Variants in KCNQ5 observed in about 807,000 individuals in gnomAD.
KCNQ5 encodes potassium voltage-gated channel subfamily Q member 5, also known as potassium voltage-gated channel subfamily KQT member 5.
KCNQ5 carries 30 observed loss-of-function variants against 98.2 expected under a neutral mutation model. The observed-to-expected ratio is 0.31, with a 90% CI of 0.23 to 0.41. The LOEUF is 0.41. KCNQ5 is among the 10% of genes least tolerant of loss of function. KCNQ5 has a pLI of 1.00. For synonymous variants in KCNQ5, 458 were observed against 449.4 expected (o/e 1.02, Z -0.24); for missense variants, 835 against 1,182.5 (o/e 0.71, Z 4.31).
chr6:72,970,230 G>C (rs2150282606), intron 1 of KCNQ5, among the ~76,000 whole-genome samples: 1 of 152,266 alleles, frequency 6.6e-6, no homozygotes, highest in Non-Finnish European at 1.5e-5. Context: ...CTGCACTCTA[G>C]CTTGGATGAC....
At position 73,089,860 on chromosome 6, in the gene KCNQ5, C is replaced by T. The variant is rs550810708; in HGVS notation, c.918+11973C>T. On this transcript the variant is annotated intron_variant, in intron 5 of 13. Coordinates refer to ENST00000370398, the MANE Select transcript of KCNQ5 (RefSeq NM_019842.4). ...TCCACATTTTTGCAATTGTGAATTGCGCTGCTATAAACATGCATGTGCAAG... is the reference window on the plus strand; with the variant it reads ...TCCACATTTTTGCAATTGTGAATTGTGCTGCTATAAACATGCATGTGCAAG... 3.0e-4 allele frequency among the ~76,000 whole-genome samples: 45 copies of T among 152,154 alleles called. 1 individual carries two copies. In the South Asian group the frequency reaches 8.1e-3, roughly 27 times the overall value.
At chr6:73,163,903 G>A (rs996025621) in intron 10 of KCNQ5, among the ~76,000 whole-genome samples, 1 of 151,854 alleles carries the variant, frequency 6.6e-6, no homozygotes, top group East Asian at 1.9e-4. Flanking sequence ...TCTAATTTTC[G>A]CTATGCAATC....
chr6:73,084,603 T>C (rs1300344300), intron 5 of KCNQ5, among the ~76,000 whole-genome samples: 1 of 152,228 alleles, frequency 6.6e-6, no homozygotes, highest in Non-Finnish European at 1.5e-5. Context: ...CTTGAAGATC[T>C]GTGAGAAATG....
chr6:73,160,168 G>T (rs907099888), intron 10 of KCNQ5, among the ~76,000 whole-genome samples: 6 of 150,286 alleles, frequency 4.0e-5, no homozygotes, highest in East Asian at 1.9e-4. Context: ...CACCCACCAC[G>T]ACGCCCGGCT....
intron 1 of KCNQ5, among the ~76,000 whole-genome samples, chr6:72,680,714 A>G (rs143518396): frequency 1.1e-3 from 167 of 152,326 alleles, no homozygotes; most frequent in Non-Finnish European, 2.0e-3. Flanking sequence ...TTCATTGTCT[A>G]GAACTCCCCC....
intron 1 of KCNQ5, among the ~76,000 whole-genome samples, chr6:72,947,287 CA>C (rs1254730037): frequency 2.0e-5 from 3 of 152,100 alleles, no homozygotes; most frequent in Non-Finnish European, 4.4e-5. Context: ...TGAGGTCAGG[CA>C]GTTTTTAATT....
intron 1 of KCNQ5, among the ~76,000 whole-genome samples, chr6:72,696,943 A>C (rs757642127): frequency 1.3e-5 from 2 of 152,234 alleles, no homozygotes; most frequent in Non-Finnish European, 2.9e-5. Context: ...AAACTCTATC[A>C]AAGATGAAGA....
intron 5 of KCNQ5, among the ~76,000 whole-genome samples, chr6:73,088,607 C>T (rs1774092493): frequency 6.6e-6 from 1 of 152,102 alleles, no homozygotes; most frequent in African/African-American, 2.4e-5. Context: ...ATTCTAAAAC[C>T]CAAATCTCAC....
In KCNQ5 at chr6:73,066,739, T is replaced by C. The variant is rs570435022; in HGVS notation, c.617-10583T>C. Among the ~76,000 whole-genome samples the C allele has an allele frequency of 2.6e-5, 4 of 152,342 alleles. No homozygotes were observed. The South Asian group carries it at 8.3e-4, about 32-fold the overall frequency. ...GATAAGTGGTGACAAAGCTAGTTAA[T>C]GGCGAACAGATAATTAAACTAGGCA... is the stretch of plus-strand genomic sequence containing the variant. On this transcript the variant is annotated intron_variant, in intron 3 of 13. Transcript: ENST00000370398.
chr6:73,198,266 A>G lies in KCNQ5; in HGVS notation c.*2852A>G, dbSNP rs902944369. The G allele has an allele frequency of 1.3e-5, 2 of 152,210 alleles. No homozygotes were observed. Among genetic ancestry groups the G allele is most frequent in the African/African-American group, 4.8e-5 (2 of 41,444 alleles). The allele number at this position is 152,210 out of a possible 1,614,324, so 9.4% of individuals were successfully genotyped here. On this transcript the variant is annotated 3_prime_UTR_variant, in exon 14 of 14. Coordinates refer to ENST00000370398, the MANE Select transcript of KCNQ5 (RefSeq NM_019842.4). ...TATCCCTTGTATGAGGTTAACTAAAAAAATTTTGCTATGTCTGATCTACAT... is the reference window on the plus strand; with the variant it reads ...TATCCCTTGTATGAGGTTAACTAAAGAAATTTTGCTATGTCTGATCTACAT...
At chr6:72,843,561 A>G (rs2150135612) in intron 1 of KCNQ5, among the ~76,000 whole-genome samples, 1 of 152,320 alleles carries the variant, frequency 6.6e-6, no homozygotes, top group South Asian at 2.1e-4. Flanking sequence ...TGAATCTATA[A>G]GTTACTTTGG....
chr6:73,144,641 A>C (rs912149893), intron 10 of KCNQ5, among the ~76,000 whole-genome samples: 2 of 152,206 alleles, frequency 1.3e-5, no homozygotes, highest in African/African-American at 4.8e-5. Context: ...TAGTGGCTTA[A>C]AACAGCAACC....
At chr6:73,019,157 A>G (rs1770477716) in intron 2 of KCNQ5, among the ~76,000 whole-genome samples, 2 of 152,162 alleles carry the variant, frequency 1.3e-5, no homozygotes, top group African/African-American at 2.4e-5. Flanking sequence ...CTTCACCTAC[A>G]TGTTAAGTGA....
chr6:72,850,509 ATC>A (rs920255175), intron 1 of KCNQ5, among the ~76,000 whole-genome samples: 2 of 152,184 alleles, frequency 1.3e-5, no homozygotes, highest in African/African-American at 2.4e-5. Flanking sequence ...TGGAAAAGAC[ATC>A]TCTGGTATGA....
intron 1 of KCNQ5, among the ~76,000 whole-genome samples, chr6:72,778,025 AGTCAAAG>A (rs1275372604): frequency 6.6e-6 from 1 of 152,220 alleles, no homozygotes; most frequent in African/African-American, 2.4e-5. Context: ...GCAATTTGAA[AGTCAAAG>A]GTCACGGTAA....
intron 1 of KCNQ5, among the ~76,000 whole-genome samples, chr6:72,838,187 A>G (rs958336522): frequency 7.0e-6 from 1 of 142,468 alleles, no homozygotes; most frequent in African/African-American, 2.6e-5. Flanking sequence ...TCTGTCACCA[A>G]CTCTCTAAAT....
chr6:72,945,335 G>A (rs1458964098), intron 1 of KCNQ5, among the ~76,000 whole-genome samples: 3 of 151,722 alleles, frequency 2.0e-5, no homozygotes, highest in Non-Finnish European at 4.4e-5. Flanking sequence ...CATGTGCCAT[G>A]TTGGTGTGCT....
chr6:72,808,189 A>G (rs1158349568), intron 1 of KCNQ5, among the ~76,000 whole-genome samples: 1 of 152,178 alleles, frequency 6.6e-6, no homozygotes, highest in Admixed American at 6.5e-5. Flanking sequence ...GACTGATTTG[A>G]GTGATACTTA....
rs192484007 is a variant in KCNQ5, at chr6:72,847,018, G to A, written c.399-156890G>A. On this transcript the variant is annotated intron_variant, in intron 1 of 13. Transcript: ENST00000370398. The stretch of plus-strand genomic sequence containing the variant: ...CCTTGCTCCACATTCTGTGCTAGGG[G>A]ATATATGGGTTGAAATAGAAAGTAA... Among the ~76,000 whole-genome samples the A allele has an allele frequency of 1.2e-3, 190 of 152,136 alleles. 1 individual carries two copies. Among genetic ancestry groups the A allele is most frequent in the African/African-American group, 4.4e-3 (182 of 41,504 alleles).
Sources: gnomAD v4.1 joint callset for allele counts (sites outside exome capture counted in the v4.1 genomes callset) on GRCh38, gnomAD v4.1.1 for gene constraint, MANE v1.5 for transcripts, NCBI Gene and HGNC (gene_info 2026-07-23, HGNC 2026-07-21) for gene names.